Variants in SHANK1 observed in about 807,000 individuals in gnomAD.
The protein encoded by SHANK1 is SH3 and multiple ankyrin repeat domains 1, also known as SH3 and multiple ankyrin repeat domains protein 1.
In SHANK1, 35 loss-of-function variants were observed where a neutral mutation model predicts 165.6. The ratio of observed to expected loss-of-function variants is 0.21; its 90% CI spans 0.16 to 0.28. The LOEUF is 0.28. Ranked by LOEUF, SHANK1 falls within the 10% of genes least tolerant of loss-of-function variation. The pLI is 1.00. For missense variants in SHANK1, 2,681 were observed against 3,036.4 expected (o/e 0.88, Z 2.75); for synonymous variants, 1,428 against 1,384.8 (o/e 1.03, Z -0.69).
At chr19:50,689,117 C>T (rs1986458899) in intron 16 of SHANK1, 80 bp downstream of exon 16, 3 of 1,276,036 alleles carry the variant, frequency 2.4e-6, no homozygotes, top group Non-Finnish European at 3.4e-6. Context: ...GGGGTCCCTT[C>T]CCCTTTCCAG....
In SHANK1 at chr19:50,716,401, C is replaced by T. The variant is rs1310394725; in HGVS notation, c.333G>A (p.Leu111=). The T allele has an allele frequency of 1.2e-6, 2 of 1,614,102 alleles. No individual in the cohort carries two copies. Among genetic ancestry groups the T allele is most frequent in the Non-Finnish European group, 1.7e-6 (2 of 1,180,040 alleles). Reference sequence around the variant, plus strand: ...ACAGGCCATAGTTGAGCACATCCTGCAGGCTCTCGCTCAGGGCACAGAGCA... The same window carrying T: ...ACAGGCCATAGTTGAGCACATCCTGTAGGCTCTCGCTCAGGGCACAGAGCA... ...QQVLCALSES[L]QDVLNYGLFQ... Residue 111 remains leucine (L), a synonymous_variant, in exon 3 of 24, where the codon CTG becomes CTA. Coordinates refer to ENST00000293441, the MANE Select transcript of SHANK1 (RefSeq NM_016148.5). The surrounding 1 kb of genome is among the most constrained non-coding windows in gnomAD (Gnocchi z 8.4).
intron 21 of SHANK1, among the ~76,000 whole-genome samples, chr19:50,682,910 C>T (rs1465908564): frequency 6.6e-6 from 1 of 152,182 alleles, no homozygotes; most frequent in Non-Finnish European, 1.5e-5. Context: ...ACTGCAGCCT[C>T]AACCTCGGAG....
Position 50,661,959 on chromosome 19 carries a change from C to T in SHANK1, c.*6G>A. The T allele has an allele frequency of 1.2e-6, 2 of 1,613,620 alleles. No individual in the cohort carries two copies. Among genetic ancestry groups the T allele is most frequent in the Non-Finnish European group, 1.7e-6 (2 of 1,179,986 alleles). ...GTGGACGGGGCTGGTCCGTCCAGGC[C>T]AGCCATCACCTCTCCAGGAAGAATT... On this transcript the variant is annotated 3_prime_UTR_variant, in exon 24 of 24. Coordinates refer to ENST00000293441, the MANE Select transcript of SHANK1 (RefSeq NM_016148.5).
intron 21 of SHANK1, among the ~76,000 whole-genome samples, chr19:50,673,509 G>C (rs1368650692): frequency 2.6e-5 from 4 of 151,946 alleles, no homozygotes; most frequent in Non-Finnish European, 5.9e-5. Flanking sequence ...AGTTCTCCTC[G>C]GCGAGACCTT....
chr19:50,689,532 A>C (rs750538073), intron 15 of SHANK1: 1 of 636,526 alleles, frequency 1.6e-6, no homozygotes, highest in Non-Finnish European at 2.8e-6. Context: ...CCATCCACCC[A>C]TCCATTCAGC....
Position 50,686,313 on chromosome 19 carries a change from C to T in SHANK1, c.2501G>A (p.Ser834Asn). 1 of 1,608,346 alleles carries T rather than the reference C, an allele frequency of 6.2e-7. No homozygotes were observed. The highest frequency in any genetic ancestry group is 1.1e-5 in the South Asian group (1 of 90,166). ...ACCGGGACCAGGGCTTTCGCTTGCA[C>T]TGATGGTCTGTTGAGCTGCGGCCAG... is the stretch of plus-strand genomic sequence containing the variant. Reference protein sequence around the residue: ...EILAAAQQTISASESPGPGGL... With the variant: ...EILAAAQQTINASESPGPGGL... The change falls in exon 21 of 24, where the codon AGT becomes AAT. Residue 834 changes from serine (S) to asparagine (N), a missense_variant. Transcript: ENST00000293441. The surrounding 1 kb of genome is among the most constrained non-coding windows in gnomAD (Gnocchi z 5.7).
In SHANK1 at chr19:50,694,299, A is replaced by G. The variant is rs1484471023; in HGVS notation, c.1964+2797T>C. 4.1e-5 allele frequency among the ~76,000 whole-genome samples: 6 copies of G among 146,142 alleles called. 1 individual carries two copies. The South Asian group carries it at 1.1e-3, about 28-fold the overall frequency. On this transcript the variant is annotated intron_variant, in intron 15 of 23. Transcript: ENST00000293441. Reference sequence around the variant, plus strand: ...CAGTGACACGCAGCGGAAAAAGAGGAGGGGAGGGGAAGCCGGGGGCGGGAT... The same window carrying G: ...CAGTGACACGCAGCGGAAAAAGAGGGGGGGAGGGGAAGCCGGGGGCGGGAT...
Position 50,666,237 on chromosome 19 carries a change from C to G in SHANK1, c.5723G>C (p.Gly1908Ala), listed in dbSNP as rs771405315. ...GGTCCTCTCGGGGACATAGCTGGCT[C>G]CCCCGTGGTGGCTGTCTCCGCCTCC... ...SGGGGDSHHG[G>A]ASYVPERTSS... The change falls in exon 23 of 24, where the codon GGA (glycine) becomes GCA (alanine). Residue 1908 changes from glycine to alanine, a missense_variant. By Grantham distance (60) the Gly-to-Ala change is moderately conservative. This residue lies in a region of SHANK1 where 1,713 missense variants were observed against 1,630.2 expected (regional missense o/e 1.05). Coordinates refer to ENST00000293441, the MANE Select transcript of SHANK1 (RefSeq NM_016148.5). The G allele has an allele frequency of 6.2e-7, 1 of 1,608,964 alleles. No individual in the cohort carries two copies. Among genetic ancestry groups the G allele is most frequent in the East Asian group, 2.2e-5 (1 of 44,718 alleles).
At position 50,664,426 on chromosome 19, in the gene SHANK1, T is replaced by C. The variant is rs114072040; in HGVS notation, c.5769-1744A>G. Among the ~76,000 whole-genome samples, 814 of 152,320 alleles carry C rather than the reference T, an allele frequency of 5.3e-3. 6 individuals are homozygous for C. Among genetic ancestry groups the C allele is most frequent in the African/African-American group, 0.019 (781 of 41,582 alleles). On this transcript the variant is annotated intron_variant, in intron 23 of 23. Transcript: ENST00000293441. ...CATCCCGTATTTCCCCACGTAGAAG[T>C]TGCTGGGCTCTTGTTCGAGGCCCCC... is the stretch of plus-strand genomic sequence containing the variant.
rs1024331540 is a variant in SHANK1 at position 50,690,920 on chromosome 19, C to T, written c.1965-1641G>A. 5.3e-5 allele frequency among the ~76,000 whole-genome samples: 8 copies of T among 152,132 alleles called. No individual in the cohort carries two copies. The highest frequency in any genetic ancestry group is 1.0e-4 in the Non-Finnish European group (7 of 68,022). ...CCCCCATGGCTCCCCTTGTAAAAAT[C>T]CATACATTTGCACCATGGCGACAGG... On this transcript the variant is annotated intron_variant, in intron 15 of 23. Coordinates refer to ENST00000293441, the MANE Select transcript of SHANK1 (RefSeq NM_016148.5). This position sits in a 1 kb window ranked among gnomAD's most constrained non-coding sequence, Gnocchi z 4.9.
rs1306663118 is a variant in SHANK1, at chr19:50,660,970, A to G, written c.*995T>C. 1.3e-5 allele frequency among the ~76,000 whole-genome samples: 2 copies of G among 151,006 alleles called. No homozygotes were observed. Among genetic ancestry groups the G allele is most frequent in the Non-Finnish European group, 2.9e-5 (2 of 67,854 alleles). ...GTGGGGGGCTAGGAGTGTCATGGTG[A>G]GAGGGGAGAGTTGGGGAGTGGAAGA... On this transcript the variant is annotated 3_prime_UTR_variant, in exon 24 of 24. Transcript: ENST00000293441.
intron 21 of SHANK1, among the ~76,000 whole-genome samples, chr19:50,675,114 C>T (rs1023929087): frequency 1.3e-5 from 2 of 148,290 alleles, no homozygotes; most frequent in Non-Finnish European, 1.5e-5. Flanking sequence ...ACATGCCTGT[C>T]ATCTTAGTTA....
chr19:50,671,969 C>G, intron 22 of SHANK1, 49 bp downstream of exon 22: 1 of 1,374,834 alleles, frequency 7.3e-7, no homozygotes, highest in Non-Finnish European at 1.0e-6. Context: ...TGAACTGTCA[C>G]GTTCCTGGCC....
intron 21 of SHANK1, among the ~76,000 whole-genome samples, chr19:50,679,452 A>G (rs1424798326): frequency 2.0e-5 from 3 of 152,096 alleles, no homozygotes; most frequent in African/African-American, 7.3e-5. Context: ...AACCATAACA[A>G]TCTGATGGGG....
At position 50,667,493 on chromosome 19, in the gene SHANK1, C is replaced by T; in HGVS notation, c.4467G>A (p.Pro1489=). The change falls in exon 23 of 24, where the codon CCG becomes CCA. Residue 1489 remains proline (P), a synonymous_variant. Transcript: ENST00000293441. This position sits in a 1 kb window ranked among gnomAD's most constrained non-coding sequence, Gnocchi z 5.7. ...SAAPEEPERL[P]LHVRFLENCQ... is the part of the protein sequence containing the mutation. ...AGTTTTCAAGGAACCGCACGTGCAG[C>T]GGCAGCCGCTCGGGTTCTTCGGGGG... The T allele has an allele frequency of 4.6e-6, 7 of 1,526,548 alleles. No homozygotes were observed. Among genetic ancestry groups the T allele is most frequent in the East Asian group, 2.4e-5 (1 of 41,764 alleles). 94.6% of individuals were successfully genotyped at this position (1,526,548 alleles called of 1,614,324 possible).
chr19:50,713,717 A>T lies in SHANK1; in HGVS notation c.792+81T>A. ...AGAGGGCCTATTTTTAACTGAAACC[A>T]AAGAACTGAGGTTTGAGAAAGAACA... On this transcript the variant is annotated intron_variant, in intron 6 of 23. Coordinates refer to ENST00000293441, the MANE Select transcript of SHANK1 (RefSeq NM_016148.5). This position sits in a 1 kb window ranked among gnomAD's most constrained non-coding sequence, Gnocchi z 6.2. The T allele has an allele frequency of 6.4e-7, 1 of 1,563,246 alleles. No individual in the cohort carries two copies. The highest frequency in any genetic ancestry group is 8.7e-7 in the Non-Finnish European group (1 of 1,148,130).
chr19:50,692,227 T>C (rs1986559998), intron 15 of SHANK1, among the ~76,000 whole-genome samples: 1 of 152,112 alleles, frequency 6.6e-6, no homozygotes, highest in East Asian at 1.9e-4. Flanking sequence ...AGTAACACCA[T>C]GACAATGAGG....
chr19:50,667,078 C>A lies in SHANK1; in HGVS notation c.4882G>T (p.Asp1628Tyr). The change falls in exon 23 of 24, where the codon GAC becomes TAC. Residue 1628 changes from aspartate to tyrosine, a missense_variant. Asp to Tyr is a radical substitution (Grantham distance 160, BLOSUM62 -3). This residue lies in a region of SHANK1 where 1,713 missense variants were observed against 1,630.2 expected (regional missense o/e 1.05). Transcript: ENST00000293441. This position sits in a 1 kb window ranked among gnomAD's most constrained non-coding sequence, Gnocchi z 5.7. Reference sequence around the variant, plus strand: ...TGGGTCAGGGTGGCCACCTCGCTGTCATAGGATGTCAGGCTGGATGCGGTG... The same window carrying A: ...TGGGTCAGGGTGGCCACCTCGCTGTAATAGGATGTCAGGCTGGATGCGGTG... ...DSTASSLTSY[D>Y]SEVATLTQGA... 6.4e-7 allele frequency: 1 copy of A among 1,557,872 alleles called. No homozygotes were observed. Among genetic ancestry groups the A allele is most frequent in the Non-Finnish European group, 8.6e-7 (1 of 1,157,546 alleles).
chr19:50,679,009 G>T (rs917762619), intron 21 of SHANK1, among the ~76,000 whole-genome samples: 1 of 19,448 alleles, frequency 5.1e-5, no homozygotes, highest in African/African-American at 1.6e-4. Context: ...GAGGGGTCAG[G>T]GTGATGGGGA....
Sources: allele counts gnomAD v4.1 joint callset (sites outside exome capture counted in the v4.1 genomes callset), GRCh38; gene constraint gnomAD v4.1.1; regional missense constraint gnomAD v4.1.1; non-coding constraint Gnocchi (gnomAD v3.1); transcripts MANE v1.5; gene names NCBI Gene and HGNC (gene_info 2026-07-23, HGNC 2026-07-21).